MORF4L2: variants seen among roughly 807,000 people sequenced by gnomAD.
The protein encoded by MORF4L2 is mortality factor 4 like 2, also known as mortality factor 4-like protein 2.
MORF4L2 carries 1 observed loss-of-function variant against 12.0 expected under a neutral mutation model. The observed-to-expected ratio is 0.08, with a 90% CI of 0.03 to 0.40. The LOEUF (loss-of-function observed/expected upper bound fraction) is 0.40. MORF4L2 is among the 10% of genes least tolerant of loss of function. The pLI is 0.98. For missense variants in MORF4L2, 123 were observed against 214.0 expected (o/e 0.57, Z 2.65); for synonymous variants, 69 against 81.6 (o/e 0.85, Z 0.83).
Position 103,677,009 on chromosome X carries a change from C to A in MORF4L2, c.19G>T (p.Gly7Cys), listed in dbSNP as rs768657149. 8.4e-6 allele frequency: 10 copies of A among 1,192,594 alleles called. No individual in the cohort carries two copies. The highest frequency in any genetic ancestry group is 1.1e-5 in the Non-Finnish European group (10 of 889,893). Residue 7 changes from glycine (G) to cysteine (C), a missense_variant, in exon 4 of 4, where the codon GGT becomes TGT. Gly to Cys is a radical substitution (Grantham distance 159). Coordinates refer to ENST00000441076, the MANE Select transcript of MORF4L2 (RefSeq NM_012286.3). Reference protein sequence around the residue: MSSRKQGSQPRGQQSAE... With the variant: MSSRKQCSQPRGQQSAE... ...GATTGCTGTCCACGAGGTTGAGAAC[C>A]CTGCTTTCTGGAACTCATTCAACCC... is the stretch of plus-strand genomic sequence containing the variant.
At chrX:103,683,623 A>G (rs2074037426) in intron 2 of MORF4L2, among the ~76,000 whole-genome samples, 1 of 112,328 alleles carries the variant, frequency 8.9e-6, no homozygotes, top group Non-Finnish European at 1.9e-5. Context: ...TAAAATATAT[A>G]TATTTAAAAC....
chrX:103,687,864 C>T (rs1336450497), upstream of MORF4L2: 1 of 110,599 alleles, frequency 9.0e-6, no homozygotes, highest in African/African-American at 3.3e-5. Flanking sequence ...CACCTACCCC[C>T]TCCCTTCAAG....
chrX:103,687,499 G>A (rs1434577479), upstream of MORF4L2: 1 of 112,057 alleles, frequency 8.9e-6, no homozygotes, highest in African/African-American at 3.2e-5. Context: ...GAGAGCCACG[G>A]CGGGCGCGCG....
chrX:103,679,859 GCAAAA>G lies in MORF4L2; in HGVS notation c.-177-1213_-177-1209del, dbSNP rs1274820309. 2.1e-4 allele frequency among the ~76,000 whole-genome samples: 8 copies of G among 38,708 alleles called. No homozygotes were observed. The East Asian group carries it at 2.5e-3, about 12-fold the overall frequency. 33.6% of individuals were successfully genotyped at this position (38,708 alleles called of 115,157 possible). A position where few individuals can be genotyped will look rare whatever the true frequency, so the allele number is the denominator to read the frequency against. On this transcript the variant is annotated intron_variant, in intron 2 of 3. Transcript: ENST00000441076. Reference sequence around the variant, plus strand: ...AAATGTTTGTTAGTAGCACCTGTGGGCAAAAAAAAAAAAAAAAAAAAAAAAAGAAA... The same window carrying G: ...AAATGTTTGTTAGTAGCACCTGTGGGAAAAAAAAAAAAAAAAAAAAAGAAA...
chrX:103,686,206 A>G (rs2074103593), intron 1 of MORF4L2, among the ~76,000 whole-genome samples: 1 of 110,205 alleles, frequency 9.1e-6, no homozygotes, highest in African/African-American at 3.3e-5. Context: ...CCCAAATAAC[A>G]AATTATTTCA....
At chrX:103,686,129 C>T (rs968738301) in intron 1 of MORF4L2, among the ~76,000 whole-genome samples, 2 of 102,950 alleles carry the variant, frequency 1.9e-5, no homozygotes, top group South Asian at 4.7e-4. Context: ...TGCACTCCCC[C>T]CCCCCCCACC....
At chrX:103,686,127 C>G (rs1446589312) in intron 1 of MORF4L2, among the ~76,000 whole-genome samples, 2 of 91,898 alleles carry the variant, frequency 2.2e-5, no homozygotes, top group African/African-American at 9.1e-5. Context: ...CTTGCACTCC[C>G]CCCCCCCCCA....
Position 103,676,116 on chromosome X carries a change from G to A in MORF4L2, c.*45C>T, listed in dbSNP as rs1326362610. On this transcript the variant is annotated 3_prime_UTR_variant, in exon 4 of 4. Transcript: ENST00000441076. ...ACAAGAAAAAGACTAAGAACAAAAA[G>A]TGTTTACAGATACAGGACAAAAATG... 2.7e-6 allele frequency: 3 copies of A among 1,121,397 alleles called. No individual in the cohort carries two copies. Among genetic ancestry groups the A allele is most frequent in the African/African-American group, 3.7e-5 (2 of 54,570 alleles). The allele number at this position is 1,121,397 out of a possible 1,213,427, so 92.4% of individuals were successfully genotyped here. A position where few individuals can be genotyped will look rare whatever the true frequency, so the allele number is the denominator to read the frequency against.
Position 103,677,065 on chromosome X carries a change from A to G in MORF4L2, c.-24-14T>C. 7.4e-6 allele frequency: 8 copies of G among 1,084,990 alleles called. No individual in the cohort carries two copies. The highest frequency in any genetic ancestry group is 9.7e-6 in the Non-Finnish European group (8 of 827,996). 89.4% of individuals were successfully genotyped at this position (1,084,990 alleles called of 1,213,427 possible). A position where few individuals can be genotyped will look rare whatever the true frequency, so the allele number is the denominator to read the frequency against. ...TTATTCCAACCACTGTAATATATAA[A>G]ATATTTTACTTGGTTGTTTTCTATG... On this transcript the variant is annotated splice_polypyrimidine_tract_variant and intron_variant, in intron 3 of 3. Coordinates refer to ENST00000441076, the MANE Select transcript of MORF4L2 (RefSeq NM_012286.3).
rs753780562 is a variant in MORF4L2 at position 103,676,350 on chromosome X, T to C, written c.678A>G (p.Pro226=). 26 of 1,209,372 alleles carry C rather than the reference T, an allele frequency of 2.1e-5. No homozygotes were observed. Among genetic ancestry groups the C allele is most frequent in the Non-Finnish European group, 2.8e-5 (25 of 894,700 alleles). ...TTCTTACAAATAATCTCAGTAGGTG[T>C]GGTGCTCCATAAACCTGGGACATTG... ...DAPMSQVYGA[P]HLLRLFVRIG... Residue 226 remains proline (P), a synonymous_variant, in exon 4 of 4, where the codon CCA becomes CCG. Coordinates refer to ENST00000441076, the MANE Select transcript of MORF4L2 (RefSeq NM_012286.3).
intron 2 of MORF4L2, among the ~76,000 whole-genome samples, chrX:103,683,248 G>A (rs1406170847): frequency 9.1e-6 from 1 of 110,332 alleles, no homozygotes; most frequent in Non-Finnish European, 1.9e-5. Flanking sequence ...TAGTAGAGAT[G>A]GGGTTTCACC....
chrX:103,679,952 G>A lies in MORF4L2; in HGVS notation c.-177-1301C>T, dbSNP rs562061168. 1.1e-4 allele frequency among the ~76,000 whole-genome samples: 12 copies of A among 110,278 alleles called. No individual in the cohort carries two copies. In the South Asian group the frequency reaches 1.2e-3, roughly 11 times the overall value. Reference sequence around the variant, plus strand: ...TGTAATCCCAGCATTTTGGGTGGCCGAGGTGGCCAAATCTCTTGAGGTCAG... The same window carrying A: ...TGTAATCCCAGCATTTTGGGTGGCCAAGGTGGCCAAATCTCTTGAGGTCAG... On this transcript the variant is annotated intron_variant, in intron 2 of 3. Transcript: ENST00000441076.
intron 1 of MORF4L2, chrX:103,685,488 A>T (rs1476240144): frequency 8.9e-6 from 1 of 111,849 alleles, no homozygotes. Flanking sequence ...CCTTAAATAT[A>T]ATTTCAAATG....
intron 2 of MORF4L2, 65 bp downstream of exon 2, chrX:103,685,106 G>A (rs934979081): frequency 8.9e-6 from 1 of 111,805 alleles, no homozygotes; most frequent in African/African-American, 3.3e-5. Flanking sequence ...AATATTCCTG[G>A]ACAGTTAGGA....
At chrX:103,685,755 G>A (rs2074087162) in intron 1 of MORF4L2, among the ~76,000 whole-genome samples, 1 of 110,369 alleles carries the variant, frequency 9.1e-6, no homozygotes, top group Admixed American at 9.6e-5. Flanking sequence ...ATTAATTTAG[G>A]GCCAATTTTG....
At chrX:103,685,944 A>C (rs983755468) in intron 1 of MORF4L2, among the ~76,000 whole-genome samples, 20 of 111,541 alleles carry the variant, frequency 1.8e-4, no homozygotes, top group African/African-American at 6.5e-4. Context: ...GACGCCTAAA[A>C]AAACTGACAT....
At chrX:103,687,083 GTTTTTTTTTTTCCTTTTCCTTT>G (rs1451496725), upstream of MORF4L2, among the ~76,000 whole-genome samples, 2 of 102,446 alleles carry the variant, frequency 2.0e-5, no homozygotes, top group Non-Finnish European at 2.0e-5. Context: ...TGACCAGAGG[GTTTTTTTTTTTCCTTTTCCTTT>G]TTTTTTTTTT....
chrX:103,684,011 A>AG (rs1425362846), intron 2 of MORF4L2, among the ~76,000 whole-genome samples: 6 of 111,903 alleles, frequency 5.4e-5, no homozygotes, highest in Non-Finnish European at 9.4e-5. Flanking sequence ...TTCAGAAGAG[A>AG]GAAAAAAAAG....
intron 2 of MORF4L2, 85 bp downstream of exon 2, chrX:103,685,086 T>G (rs902139786): frequency 1.8e-5 from 2 of 112,334 alleles, no homozygotes; most frequent in African/African-American, 6.5e-5. Flanking sequence ...AGGAGCTTAT[T>G]AATTTTCAAA....
Sources: gnomAD v4.1 joint callset for allele counts (sites outside exome capture counted in the v4.1 genomes callset) on GRCh38, gnomAD v4.1.1 for gene constraint, MANE v1.5 for transcripts, NCBI Gene and HGNC (gene_info 2026-07-23, HGNC 2026-07-21) for gene names.